FAT3: variants seen among roughly 807,000 people sequenced by gnomAD.
FAT3 encodes protocadherin Fat 3.
In FAT3, 95 loss-of-function variants were observed where a neutral mutation model predicts 310.2. The ratio of observed to expected loss-of-function variants is 0.31; its 90% confidence interval spans 0.26 to 0.36. The LOEUF is 0.36. FAT3 is among the 10% of genes least tolerant of loss of function. The pLI, the probability that FAT3 is intolerant of heterozygous loss-of-function variation, is 1.00. For synonymous variants in FAT3, 2,314 were observed against 2,192.9 expected (o/e 1.06, Z -1.54); for missense variants, 5,408 against 5,715.6 (o/e 0.95, Z 1.74).
At chr11:92,813,209 T>G (rs1311640975) in intron 13 of FAT3, among the ~76,000 whole-genome samples, 1 of 152,192 alleles carries the variant, frequency 6.6e-6, no homozygotes, top group African/African-American at 2.4e-5. Flanking sequence ...CTAATATACT[T>G]GTGTTACCTC....
chr11:92,561,665 C>T (rs985712526), intron 3 of FAT3, among the ~76,000 whole-genome samples: 3 of 151,570 alleles, frequency 2.0e-5, no homozygotes, highest in Middle Eastern at 3.4e-3. Context: ...TCGCTCTGTC[C>T]CCCAGGCTGG....
At chr11:92,277,365 A>G (rs1203591720) in intron 1 of FAT3, among the ~76,000 whole-genome samples, 1 of 152,122 alleles carries the variant, frequency 6.6e-6, no homozygotes, top group African/African-American at 2.4e-5. Flanking sequence ...CTGGATATAT[A>G]CCCAAGGAAA....
At chr11:92,381,625 G>C (rs565906988) in intron 2 of FAT3, among the ~76,000 whole-genome samples, 8 of 152,148 alleles carry the variant, frequency 5.3e-5, no homozygotes, top group South Asian at 2.1e-4. Context: ...AAACACCTTT[G>C]ATCTGACTTT....
At chr11:92,276,586 C>T (rs185875938) in intron 1 of FAT3, among the ~76,000 whole-genome samples, 17 of 152,202 alleles carry the variant, frequency 1.1e-4, no homozygotes, top group Admixed American at 8.5e-4. Context: ...TTTGCTATTG[C>T]CAGGGGAAGA....
At chr11:92,673,004 T>G (rs1943178866) in intron 3 of FAT3, among the ~76,000 whole-genome samples, 1 of 152,194 alleles carries the variant, frequency 6.6e-6, no homozygotes, top group South Asian at 2.1e-4. Flanking sequence ...ATGTATTGAT[T>G]CTGAGATCAA....
intron 3 of FAT3, among the ~76,000 whole-genome samples, chr11:92,694,344 T>C (rs941593692): frequency 3.3e-5 from 5 of 152,362 alleles, no homozygotes; most frequent in South Asian, 2.1e-4. Flanking sequence ...CTGCAGAGGC[T>C]TTCCTGTGTC....
At chr11:92,548,451 T>C (rs1954689417) in intron 3 of FAT3, among the ~76,000 whole-genome samples, 1 of 152,224 alleles carries the variant, frequency 6.6e-6, no homozygotes, top group African/African-American at 2.4e-5. Context: ...AGTCCTTGAA[T>C]TATCTTTTTA....
At chr11:92,457,783 A>G (rs1402027851) in intron 2 of FAT3, among the ~76,000 whole-genome samples, 1 of 152,114 alleles carries the variant, frequency 6.6e-6, no homozygotes, top group Admixed American at 6.5e-5. Flanking sequence ...TTAGCCCGGT[A>G]CGGTGGCGTG....
intron 3 of FAT3, among the ~76,000 whole-genome samples, chr11:92,548,018 T>G (rs1954671048): frequency 6.6e-6 from 1 of 152,148 alleles, no homozygotes; most frequent in Non-Finnish European, 1.5e-5. Context: ...CAAGCAGTAC[T>G]AGCTTGAGCA....
At position 92,709,501 on chromosome 11, in the gene FAT3, T is replaced by C. The variant is rs1051905619; in HGVS notation, c.3669+12056T>C. 2.8e-4 allele frequency among the ~76,000 whole-genome samples: 42 copies of C among 152,218 alleles called. 1 individual carries two copies. Among genetic ancestry groups the C allele is most frequent in the African/African-American group, 9.6e-4 (40 of 41,464 alleles). ...TGAGATTTCTAATCCTCTGTCTTCC[T>C]GGCCCTACCTTTAGTGAAGGTCACC... is the stretch of plus-strand genomic sequence containing the variant. On this transcript the variant is annotated intron_variant, in intron 4 of 27. Transcript: ENST00000525166.
chr11:92,434,834 G>C (rs1950889081), intron 2 of FAT3, among the ~76,000 whole-genome samples: 1 of 151,978 alleles, frequency 6.6e-6, no homozygotes, highest in South Asian at 2.1e-4. Context: ...TAATGTATTG[G>C]GCCCATATGA....
intron 2 of FAT3, among the ~76,000 whole-genome samples, chr11:92,455,292 C>T (rs1367003655): frequency 6.6e-6 from 1 of 152,156 alleles, no homozygotes; most frequent in African/African-American, 2.4e-5. Context: ...TTTATCCATG[C>T]CTTGCAATTT....
At chr11:92,631,818 C>T (rs1174940578) in intron 3 of FAT3, among the ~76,000 whole-genome samples, 2 of 152,098 alleles carry the variant, frequency 1.3e-5, no homozygotes, top group African/African-American at 2.4e-5. Context: ...GCTCAGAGCA[C>T]TGAGCGCCTT....
intron 1 of FAT3, among the ~76,000 whole-genome samples, chr11:92,226,199 A>T (rs1222956271): frequency 6.6e-6 from 1 of 152,084 alleles, no homozygotes; most frequent in Non-Finnish European, 1.5e-5. Flanking sequence ...CGCCAGTGGG[A>T]GTCGCTGAGC....
At chr11:92,237,738 A>C (rs940858892) in intron 1 of FAT3, among the ~76,000 whole-genome samples, 1 of 152,116 alleles carries the variant, frequency 6.6e-6, no homozygotes, top group African/African-American at 2.4e-5. Context: ...CTTCCAAAAA[A>C]TACTCAGTGA....
chr11:92,562,366 T>C (rs984500593), intron 3 of FAT3, among the ~76,000 whole-genome samples: 26 of 152,158 alleles, frequency 1.7e-4, no homozygotes, highest in African/African-American at 5.3e-4. Flanking sequence ...CCCTTGCATA[T>C]AGAAGGCCAA....
chr11:92,249,639 C>T (rs988092663), intron 1 of FAT3, among the ~76,000 whole-genome samples: 2 of 152,004 alleles, frequency 1.3e-5, no homozygotes, highest in Non-Finnish European at 2.9e-5. Context: ...ATCACAGTAA[C>T]AAAGAACTTC....
At chr11:92,399,823 T>C (rs1206611743) in intron 2 of FAT3, among the ~76,000 whole-genome samples, 1 of 152,138 alleles carries the variant, frequency 6.6e-6, no homozygotes, top group African/African-American at 2.4e-5. Flanking sequence ...TAGGAGACCC[T>C]TGTGTAAACC....
rs929843692 is a variant in FAT3 at position 92,768,694 on chromosome 11, G to A, written c.4195+3605G>A. Among the ~76,000 whole-genome samples the A allele has an allele frequency of 4.6e-5, 7 of 152,122 alleles. No homozygotes were observed. The East Asian group carries it at 5.8e-4, about 13-fold the overall frequency. On this transcript the variant is annotated intron_variant, in intron 6 of 27. Coordinates refer to ENST00000525166, the MANE Select transcript of FAT3 (RefSeq NM_001367949.2). The stretch of plus-strand genomic sequence containing the variant: ...ATACAGAGGAAAGAGGGAACAATGC[G>A]CCTCAATGCTTAAGAAACATAGCAG...
Sources: allele counts gnomAD v4.1 joint callset (sites outside exome capture counted in the v4.1 genomes callset), GRCh38; gene constraint gnomAD v4.1.1; transcripts MANE v1.5; gene names NCBI Gene and HGNC (gene_info 2026-07-23, HGNC 2026-07-21).